The following LRRC20 variants were observed in gnomAD, a reference collection of about 807,000 sequenced individuals.
LRRC20 encodes leucine-rich repeat-containing protein 20.
A neutral mutation model predicts 14.4 loss-of-function variants in LRRC20; 11 were observed. The observed-to-expected ratio is 0.77, with a 90% confidence interval of 0.48 to 1.27. LRRC20 has a LOEUF of 1.27. Ranked by LOEUF, LRRC20 falls within the 50% of genes most tolerant of loss-of-function variation. The pLI, the probability that LRRC20 is intolerant of heterozygous loss-of-function variation, is 0.00. For synonymous variants in LRRC20, 121 were observed against 107.3 expected (o/e 1.13, Z -0.79); for missense variants, 219 against 251.2 (o/e 0.87, Z 0.87).
At chr10:70,309,980 G>A (rs1288479536) in intron 4 of LRRC20, among the ~76,000 whole-genome samples, 1 of 152,256 alleles carries the variant, frequency 6.6e-6, no homozygotes, top group Non-Finnish European at 1.5e-5. Context: ...TCCAGGGTCT[G>A]TGGCATTCTC....
chr10:70,343,306 A>G (rs571733011), intron 2 of LRRC20, among the ~76,000 whole-genome samples: 269 of 152,338 alleles, frequency 1.8e-3, no homozygotes, highest in African/African-American at 6.1e-3. Flanking sequence ...ACTCATGGGT[A>G]AGGCAGGGGT....
chr10:70,333,002 G>A (rs1265217607), intron 3 of LRRC20, among the ~76,000 whole-genome samples: 1 of 152,202 alleles, frequency 6.6e-6, no homozygotes, highest in Non-Finnish European at 1.5e-5. Context: ...TGCAGGTGTG[G>A]CAGAGACATA....
intron 2 of LRRC20, among the ~76,000 whole-genome samples, chr10:70,344,463 A>T (rs758640880): frequency 6.6e-6 from 1 of 152,244 alleles, no homozygotes; most frequent in Non-Finnish European, 1.5e-5. Flanking sequence ...TTTTAAAGAT[A>T]CTATTCCTAA....
chr10:70,310,851 T>A (rs1228644121), intron 4 of LRRC20, among the ~76,000 whole-genome samples: 2 of 152,260 alleles, frequency 1.3e-5, no homozygotes, highest in African/African-American at 4.8e-5. Context: ...AACGCTATGA[T>A]AAGACACGTA....
intron 2 of LRRC20, among the ~76,000 whole-genome samples, chr10:70,358,474 G>A (rs1843609165): frequency 1.3e-5 from 2 of 152,116 alleles, no homozygotes; most frequent in Admixed American, 6.5e-5. Flanking sequence ...ATCCACCCCT[G>A]TAAGCAATGG....
At chr10:70,322,532 G>A (rs184123140) in intron 4 of LRRC20, among the ~76,000 whole-genome samples, 6 of 152,184 alleles carry the variant, frequency 3.9e-5, no homozygotes, top group Admixed American at 2.6e-4. Context: ...GGCTCCTTCT[G>A]CTCTGGGCAG....
At chr10:70,323,573 G>A (rs1032617122) in intron 4 of LRRC20, among the ~76,000 whole-genome samples, 1 of 152,370 alleles carries the variant, frequency 6.6e-6, no homozygotes, top group African/African-American at 2.4e-5. Flanking sequence ...TGGTAGGTGA[G>A]AACTGGAGAG....
intron 3 of LRRC20, among the ~76,000 whole-genome samples, chr10:70,325,475 G>A (rs973339937): frequency 2.0e-5 from 3 of 152,162 alleles, no homozygotes; most frequent in Non-Finnish European, 4.4e-5. Context: ...GGTGGAGCAC[G>A]CAGGCAACAG....
intron 2 of LRRC20, among the ~76,000 whole-genome samples, chr10:70,357,153 C>T (rs568682788): frequency 6.6e-6 from 1 of 152,114 alleles, no homozygotes; most frequent in Non-Finnish European, 1.5e-5. Context: ...CCAGAAGAGG[C>T]AATCTATAGA....
intron 3 of LRRC20, among the ~76,000 whole-genome samples, chr10:70,337,532 C>T (rs762155557): frequency 1.3e-5 from 2 of 152,186 alleles, no homozygotes; most frequent in Admixed American, 6.5e-5. Context: ...AATACATTTC[C>T]GCATCCCACA....
Position 70,300,169 on chromosome 10 carries a change from G to A in LRRC20, c.*1185C>T, listed in dbSNP as rs1841116411. 6.1e-6 allele frequency: 1 copy of A among 164,274 alleles called. No homozygotes were observed. The highest frequency in any genetic ancestry group is 1.3e-5 in the Non-Finnish European group (1 of 79,084). The allele number at this position is 164,274 out of a possible 1,614,324, so 10.2% of individuals were successfully genotyped here. A position where few individuals can be genotyped will look rare whatever the true frequency, so the allele number is the denominator to read the frequency against. ...ACAGATGAGGAGAAGGTGGGAGGTAGATACCTGAGGACCAAGCAGTCAAGG... is the reference window on the plus strand; with the variant it reads ...ACAGATGAGGAGAAGGTGGGAGGTAAATACCTGAGGACCAAGCAGTCAAGG... On this transcript the variant is annotated 3_prime_UTR_variant, in exon 5 of 5. Coordinates refer to ENST00000446961, the MANE Select transcript of LRRC20 (RefSeq NM_001278212.2).
At chr10:70,317,222 C>T (rs1329360065) in intron 4 of LRRC20, among the ~76,000 whole-genome samples, 1 of 152,226 alleles carries the variant, frequency 6.6e-6, no homozygotes, top group Non-Finnish European at 1.5e-5. Context: ...GAGTTTGATT[C>T]AGAGGCTCTC....
At position 70,371,815 on chromosome 10, in the gene LRRC20, C is replaced by G. The variant is rs10999303; in HGVS notation, c.82+4637G>C. Among the ~76,000 whole-genome samples the G allele has an allele frequency of 2.6e-4, 39 of 150,048 alleles. 1 individual carries two copies. In the East Asian group the frequency reaches 6.8e-3, roughly 26 times the overall value. ...CCCAGGGGCCAAATGGAAAGGAGCC[C>G]ACGTCTCTGGGGATGGAGAAGCCTG... On this transcript the variant is annotated intron_variant, in intron 2 of 4. Transcript: ENST00000446961.
At chr10:70,311,140 G>A (rs1451887686) in intron 4 of LRRC20, among the ~76,000 whole-genome samples, 1 of 151,816 alleles carries the variant, frequency 6.6e-6, no homozygotes, top group Non-Finnish European at 1.5e-5. Context: ...ACTTTCTATG[G>A]CTGCATCATA....
At chr10:70,364,707 G>A (rs1330888104) in intron 2 of LRRC20, among the ~76,000 whole-genome samples, 8 of 152,184 alleles carry the variant, frequency 5.3e-5, no homozygotes, top group Non-Finnish European at 1.2e-4. Flanking sequence ...AGTACAGAAA[G>A]AAGCAAGCGC....
At chr10:70,321,893 C>G (rs1202274613) in intron 4 of LRRC20, among the ~76,000 whole-genome samples, 1 of 152,210 alleles carries the variant, frequency 6.6e-6, no homozygotes, top group South Asian at 2.1e-4. Context: ...AAGTAAGATG[C>G]TTCCACATGT....
chr10:70,329,740 A>G (rs2136974040), intron 3 of LRRC20, among the ~76,000 whole-genome samples: 1 of 151,302 alleles, frequency 6.6e-6, no homozygotes, highest in South Asian at 2.1e-4. Flanking sequence ...AATTTTTTGT[A>G]TTTTACTAGA....
chr10:70,365,720 G>T (rs1386909282), intron 2 of LRRC20, among the ~76,000 whole-genome samples: 1 of 151,658 alleles, frequency 6.6e-6, no homozygotes, highest in Non-Finnish European at 1.5e-5. Context: ...AAACTAAAAA[G>T]AAAGAAAACC....
chr10:70,324,753 G>A (rs1842253897), intron 3 of LRRC20, among the ~76,000 whole-genome samples: 1 of 152,194 alleles, frequency 6.6e-6, no homozygotes, highest in African/African-American at 2.4e-5. Flanking sequence ...AGGAGAGCTG[G>A]GGGGCAGGAA....
Sources: allele counts gnomAD v4.1 joint callset (sites outside exome capture counted in the v4.1 genomes callset), GRCh38; gene constraint gnomAD v4.1.1; transcripts MANE v1.5; gene names NCBI Gene and HGNC (gene_info 2026-07-23, HGNC 2026-07-21).